Variants in P2RY12 observed in about 807,000 individuals in gnomAD.
The protein encoded by P2RY12 is purinergic receptor P2Y12, also known as P2Y purinoceptor 12.
P2RY12 carries 3 observed loss-of-function variants against 4.5 expected under a neutral mutation model. That is an observed-to-expected ratio of 0.67 (90% CI 0.31 to 1.74). P2RY12 has a LOEUF of 1.74. Ranked by LOEUF, P2RY12 falls within the 40% of genes most tolerant of loss-of-function variation. P2RY12 has a pLI of 0.09. For missense variants in P2RY12, 356 were observed against 407.8 expected, an observed-to-expected ratio of 0.87 and a Z score of 1.09; for synonymous variants, 148 against 154.1, an observed-to-expected ratio of 0.96 and a Z score of 0.29.
chr3:151,340,946 C>A lies in P2RY12; in HGVS notation c.-179-186G>T, dbSNP rs533990136. Reference sequence around the variant, plus strand: ...CATCTTTTAAAAAGCAATTTAAAATCTTGCGGCTTTTTACTGAAACCTGCT... The same window carrying A: ...CATCTTTTAAAAAGCAATTTAAAATATTGCGGCTTTTTACTGAAACCTGCT... On this transcript the variant is annotated intron_variant, in intron 1 of 2. Coordinates refer to ENST00000302632, the MANE Select transcript of P2RY12 (RefSeq NM_022788.5). 3.3e-5 allele frequency: 5 copies of A among 152,198 alleles called. No individual in the cohort carries two copies. The South Asian group carries it at 1.0e-3, about 32-fold the overall frequency. 9.4% of individuals were successfully genotyped at this position (152,198 alleles called of 1,614,324 possible).
At chr3:151,368,160 T>G (rs759086007) in intron 1 of P2RY12, 6 of 1,613,992 alleles carry the variant, frequency 3.7e-6, no homozygotes, top group Non-Finnish European at 3.4e-6. Flanking sequence ...CTTGTGGGGA[T>G]GCGGACGCCG....
At chr3:151,342,781 C>T (rs1752035783) in intron 1 of P2RY12, among the ~76,000 whole-genome samples, 1 of 152,156 alleles carries the variant, frequency 6.6e-6, no homozygotes, top group Non-Finnish European at 1.5e-5. Flanking sequence ...CTTAGCCTTC[C>T]TTATTTGTTG....
chr3:151,355,770 G>A (rs1305333709), intron 1 of P2RY12: 12 of 707,952 alleles, frequency 1.7e-5, no homozygotes, highest in Middle Eastern at 4.2e-4. Flanking sequence ...ATAGAAACAC[G>A]TTTTGACTTT....
chr3:151,350,252 T>C, intron 1 of P2RY12: 1 of 1,594,382 alleles, frequency 6.3e-7, no homozygotes, highest in Non-Finnish European at 8.6e-7. Context: ...GCCTTTTGCC[T>C]TCCCTCTGAG....
chr3:151,372,726 G>A, intron 1 of P2RY12: 1 of 1,613,840 alleles, frequency 6.2e-7, no homozygotes, highest in Non-Finnish European at 8.5e-7. Context: ...GCCAATTTAA[G>A]AGAATACGCT....
At chr3:151,353,222 C>G (rs1182018500) in intron 1 of P2RY12, among the ~76,000 whole-genome samples, 1 of 152,160 alleles carries the variant, frequency 6.6e-6, no homozygotes, top group African/African-American at 2.4e-5. Flanking sequence ...TGAATCAATG[C>G]ATTAATTTCA....
At chr3:151,383,774 G>C in intron 1 of P2RY12, 1 of 1,598,930 alleles carries the variant, frequency 6.3e-7, no homozygotes, top group South Asian at 1.1e-5. Context: ...TATTTTGTCT[G>C]CTAGGTAGGA....
At chr3:151,375,627 A>G (rs918327807) in intron 1 of P2RY12, among the ~76,000 whole-genome samples, 1 of 152,194 alleles carries the variant, frequency 6.6e-6, no homozygotes, top group Non-Finnish European at 1.5e-5. Flanking sequence ...ACTATGTTGT[A>G]TCTAGTCAGT....
At chr3:151,353,109 G>A (rs1427882370) in intron 1 of P2RY12, among the ~76,000 whole-genome samples, 1 of 152,106 alleles carries the variant, frequency 6.6e-6, no homozygotes, top group Non-Finnish European at 1.5e-5. Flanking sequence ...ATAGATAAAT[G>A]GAGTCCATTA....
intron 1 of P2RY12, among the ~76,000 whole-genome samples, chr3:151,368,857 G>T (rs1445812480): frequency 6.7e-6 from 1 of 150,006 alleles, no homozygotes; most frequent in African/African-American, 2.5e-5. Context: ...TGCCTCCCGG[G>T]CTTAGGCAAT....
In P2RY12 at chr3:151,383,961, T is replaced by C. The variant is rs1013577820; in HGVS notation, c.-180+731A>G. On this transcript the variant is annotated intron_variant, in intron 1 of 2. Coordinates refer to ENST00000302632, the MANE Select transcript of P2RY12 (RefSeq NM_022788.5). The stretch of plus-strand genomic sequence containing the variant: ...ATAAGCTTTGATATACTGATGGCGA[T>C]TTCTGCCACATCTTATTTACTTGGA... 6 of 1,484,492 alleles carry C rather than the reference T, an allele frequency of 4.0e-6. No homozygotes were observed. In the African/African-American group the frequency reaches 8.3e-5, roughly 21 times the overall value. The allele number at this position is 1,484,492 out of a possible 1,614,324, so 92.0% of individuals were successfully genotyped here. A position where few individuals can be genotyped will look rare whatever the true frequency, so the allele number is the denominator to read the frequency against.
chr3:151,337,693 C>T lies in P2RY12; in HGVS notation c.*124G>A. On this transcript the variant is annotated 3_prime_UTR_variant, in exon 3 of 3. Coordinates refer to ENST00000302632, the MANE Select transcript of P2RY12 (RefSeq NM_022788.5). ...AAATGAAAATTGCTTTTGTAATCTT[C>T]TGTTTCTTTAGAGTCATTATTATTA... 2.1e-6 allele frequency: 2 copies of T among 971,388 alleles called. No homozygotes were observed. Among genetic ancestry groups the T allele is most frequent in the Non-Finnish European group, 3.0e-6 (2 of 656,762 alleles). 60.2% of individuals were successfully genotyped at this position (971,388 alleles called of 1,614,324 possible).
At chr3:151,369,409 A>C in intron 1 of P2RY12, 2 of 1,441,248 alleles carry the variant, frequency 1.4e-6, no homozygotes, top group Non-Finnish European at 1.9e-6. Context: ...TGGTAATGAG[A>C]CTATTAAAGA....
At chr3:151,365,749 C>T (rs1755197158) in intron 1 of P2RY12, 1 of 1,066,218 alleles carries the variant, frequency 9.4e-7, no homozygotes, top group African/African-American at 1.6e-5. Flanking sequence ...AAGAAAATGA[C>T]TTGTTTGATG....
At chr3:151,375,675 C>T (rs888575337) in intron 1 of P2RY12, among the ~76,000 whole-genome samples, 12 of 151,920 alleles carry the variant, frequency 7.9e-5, no homozygotes, top group African/African-American at 2.7e-4. Context: ...TTATGAAGAA[C>T]GTATATCTGA....
At chr3:151,349,454 T>A (rs1299780829) in intron 1 of P2RY12, among the ~76,000 whole-genome samples, 2 of 152,196 alleles carry the variant, frequency 1.3e-5, no homozygotes, top group African/African-American at 4.8e-5. Flanking sequence ...ATAAATGGAA[T>A]ATATATAGTT....
At chr3:151,370,065 A>G (rs913648235) in intron 1 of P2RY12, among the ~76,000 whole-genome samples, 8 of 152,176 alleles carry the variant, frequency 5.3e-5, no homozygotes, top group African/African-American at 1.9e-4. Context: ...TGTTGATATT[A>G]TTGATAAATC....
chr3:151,342,004 T>C (rs574777857), intron 1 of P2RY12, among the ~76,000 whole-genome samples: 30 of 152,292 alleles, frequency 2.0e-4, no homozygotes, highest in Admixed American at 1.0e-3. Context: ...TGGTTCCAAG[T>C]CTTTGCTATT....
At chr3:151,381,835 C>T (rs1194912333) in intron 1 of P2RY12, among the ~76,000 whole-genome samples, 1 of 152,174 alleles carries the variant, frequency 6.6e-6, no homozygotes, top group Non-Finnish European at 1.5e-5. Context: ...TTGGGAAGTG[C>T]TTTCCTCTCA....
Sources: allele counts gnomAD v4.1 joint callset (sites outside exome capture counted in the v4.1 genomes callset), GRCh38; gene constraint gnomAD v4.1.1; transcripts MANE v1.5; gene names NCBI Gene and HGNC (gene_info 2026-07-23, HGNC 2026-07-21).